Variants in AGMO observed in about 807,000 individuals in gnomAD.
AGMO encodes the protein alkylglycerol monooxygenase, also known as glyceryl-ether monooxygenase.
Under a neutral mutation model 60.2 loss-of-function variants are expected in AGMO, and 75 were observed. That is an observed-to-expected ratio of 1.25 (90% confidence interval 1.03 to 1.51). AGMO has a LOEUF of 1.51. Ranked by LOEUF, AGMO falls within the 40% of genes most tolerant of loss-of-function variation. The probability of loss-of-function intolerance (pLI) is 0.00; values close to 1 mark genes in which losing one functional copy is unlikely to be tolerated. For missense variants in AGMO, 763 were observed against 525.5 expected (o/e 1.45, Z -4.42); for synonymous variants, 261 against 177.1 (o/e 1.47, Z -3.76).
intron 12 of AGMO, among the ~76,000 whole-genome samples, chr7:15,332,186 C>T (rs971444212): frequency 6.6e-6 from 1 of 152,086 alleles, no homozygotes; most frequent in East Asian, 1.9e-4. Context: ...GCCAGTAATA[C>T]TCTGGAGTTT....
intron 5 of AGMO, among the ~76,000 whole-genome samples, chr7:15,399,620 C>T (rs2128489222): frequency 6.6e-6 from 1 of 152,278 alleles, no homozygotes; most frequent in South Asian, 2.1e-4. Context: ...GACTCACTTT[C>T]ATTCAACAAA....
intron 5 of AGMO, among the ~76,000 whole-genome samples, chr7:15,417,167 C>A (rs549345115): frequency 6.6e-6 from 1 of 152,090 alleles, no homozygotes. Context: ...CTGTAGGAAC[C>A]CACACATAGT....
chr7:15,404,254 G>A (rs879732122), intron 5 of AGMO, among the ~76,000 whole-genome samples: 7 of 151,952 alleles, frequency 4.6e-5, no homozygotes, highest in Non-Finnish European at 1.0e-4. Flanking sequence ...AAAGGACTGC[G>A]TTTATAATAA....
the AGMO span, among the ~76,000 whole-genome samples, chr7:15,134,664 T>C: frequency 5.8e-4 from 88 of 152,194 alleles, no homozygotes; most frequent in Non-Finnish European, 8.2e-4. Flanking sequence ...TAGTATCCCA[T>C]GGTTATATGT....
intron 4 of AGMO, among the ~76,000 whole-genome samples, chr7:15,420,029 C>T (rs544065889): frequency 6.6e-6 from 1 of 152,170 alleles, no homozygotes; most frequent in East Asian, 1.9e-4. Context: ...GTTTTGGAAT[C>T]TCCTCTTTGA....
At chr7:15,280,766 C>T (rs1783940882) in intron 12 of AGMO, among the ~76,000 whole-genome samples, 1 of 152,194 alleles carries the variant, frequency 6.6e-6, no homozygotes, top group Non-Finnish European at 1.5e-5. Flanking sequence ...TCACCATTGC[C>T]TACAGGACCT....
At chr7:15,363,597 T>G (rs1228699284) in intron 12 of AGMO, among the ~76,000 whole-genome samples, 1 of 152,142 alleles carries the variant, frequency 6.6e-6, no homozygotes, top group Non-Finnish European at 1.5e-5. Flanking sequence ...TCTTTACCAT[T>G]TACTTTTATC....
chr7:15,457,302 C>T (rs1782024314), intron 3 of AGMO, among the ~76,000 whole-genome samples: 2 of 152,218 alleles, frequency 1.3e-5, no homozygotes, highest in Middle Eastern at 3.4e-3. Context: ...AAATACATGA[C>T]ATTCATTACA....
At position 15,299,857 on chromosome 7, in the gene AGMO, AC is replaced by A. The variant is rs1563075503; in HGVS notation, c.1263+65656del. Among the ~76,000 whole-genome samples the A allele has an allele frequency of 1.3e-4, 19 of 150,778 alleles. No homozygotes were observed. In the South Asian group the frequency reaches 1.9e-3, roughly 15 times the overall value. On this transcript the variant is annotated intron_variant, in intron 12 of 12. Coordinates refer to ENST00000342526, the MANE Select transcript of AGMO (RefSeq NM_001004320.2). ...CACACACACACACACACACACACAC[AC>A]ACACACACACACACACACACACACA...
intron 12 of AGMO, among the ~76,000 whole-genome samples, chr7:15,283,511 G>T (rs1312709643): frequency 6.6e-6 from 1 of 151,908 alleles, no homozygotes; most frequent in Non-Finnish European, 1.5e-5. Context: ...ATGATAAAAT[G>T]ATCAATTCAA....
At chr7:15,326,912 A>C (rs1781354383) in intron 12 of AGMO, among the ~76,000 whole-genome samples, 1 of 152,234 alleles carries the variant, frequency 6.6e-6, no homozygotes, top group Admixed American at 6.5e-5. Context: ...AGAGATCCAG[A>C]ACCAAGACAG....
chr7:15,550,651 G>A (rs2115296503), intron 2 of AGMO, among the ~76,000 whole-genome samples: 1 of 150,728 alleles, frequency 6.6e-6, no homozygotes, highest in South Asian at 2.1e-4. Flanking sequence ...CCAATAACAG[G>A]AGCTGAAATT....
intron 3 of AGMO, among the ~76,000 whole-genome samples, chr7:15,509,006 A>G (rs1783602901): frequency 6.6e-6 from 1 of 152,234 alleles, no homozygotes; most frequent in Non-Finnish European, 1.5e-5. Context: ...TTTGGAAACT[A>G]TCCCTTACAA....
intron 12 of AGMO, among the ~76,000 whole-genome samples, chr7:15,237,944 GC>G (rs1238344638): frequency 6.6e-6 from 1 of 152,044 alleles, no homozygotes; most frequent in Non-Finnish European, 1.5e-5. Flanking sequence ...GAAAGACAGG[GC>G]TCTTATTTAT....
intron 8 of AGMO, among the ~76,000 whole-genome samples, chr7:15,388,071 CTAA>C (rs1328058870): frequency 6.6e-6 from 1 of 152,054 alleles, no homozygotes; most frequent in Non-Finnish European, 1.5e-5. Flanking sequence ...CCATGCCAGG[CTAA>C]TTTTTGTAGT....
At chr7:15,298,901 TTG>T (rs1354705445) in intron 12 of AGMO, among the ~76,000 whole-genome samples, 1 of 152,166 alleles carries the variant, frequency 6.6e-6, no homozygotes, top group African/African-American at 2.4e-5. Context: ...TCATCACTCT[TTG>T]TCTCGCTCAC....
chr7:15,366,201 G>T lies in AGMO; in HGVS notation c.1096C>A (p.Leu366Ile). The T allele has an allele frequency of 1.2e-6, 2 of 1,607,482 alleles. No individual in the cohort carries two copies. Among genetic ancestry groups the T allele is most frequent in the East Asian group, 2.3e-5 (1 of 44,308 alleles). The change falls in exon 11 of 13, where the codon CTT (leucine) becomes ATT (isoleucine). Residue 366 changes from leucine to isoleucine, a missense_variant. Coordinates refer to ENST00000342526, the MANE Select transcript of AGMO (RefSeq NM_001004320.2). ...AGGATAATGAAGCAAACCCTCAGAA[G>T]GAGAGTAACTTGCGACAGTGCCTGT... ...DTAALSQVTLLLRVCFIILTL... is the reference protein window; with the variant it reads ...DTAALSQVTLILRVCFIILTL...
At chr7:15,411,305 A>G (rs1299036906) in intron 5 of AGMO, among the ~76,000 whole-genome samples, 1 of 152,012 alleles carries the variant, frequency 6.6e-6, no homozygotes, top group Non-Finnish European at 1.5e-5. Flanking sequence ...TTATTGCAAC[A>G]GAAAACAGAC....
At chr7:15,213,996 ATGTAT>A (rs886241645) in intron 12 of AGMO, among the ~76,000 whole-genome samples, 3 of 151,984 alleles carry the variant, frequency 2.0e-5, no homozygotes, top group African/African-American at 7.2e-5. Context: ...TTGGCCATTA[ATGTAT>A]TGTATATATC....
Sources: allele counts gnomAD v4.1 joint callset (sites outside exome capture counted in the v4.1 genomes callset), GRCh38; gene constraint gnomAD v4.1.1; transcripts MANE v1.5; gene names NCBI Gene and HGNC (gene_info 2026-07-23, HGNC 2026-07-21).